Variants in KMT2C observed in about 807,000 individuals in gnomAD.
KMT2C encodes the protein histone-lysine N-methyltransferase 2C.
KMT2C carries 88 observed loss-of-function variants against 507.9 expected under a neutral mutation model. That is an observed-to-expected ratio of 0.17 (90% CI 0.15 to 0.21). The LOEUF (loss-of-function observed/expected upper bound fraction) is 0.21, where lower values mean the gene tolerates loss of function less well. Ranked by LOEUF, KMT2C falls within the 10% of genes least tolerant of loss-of-function variation. The pLI, the probability that KMT2C is intolerant of heterozygous loss-of-function variation, is 1.00. For missense variants in KMT2C, 4,954 were observed against 5,957.8 expected, an observed-to-expected ratio of 0.83 and a Z score of 5.55; for synonymous variants, 2,049 against 2,080.8, an observed-to-expected ratio of 0.98 and a Z score of 0.42.
chr7:152,227,724 C>CA (rs2094976831), intron 18 of KMT2C, among the ~76,000 whole-genome samples: 1 of 152,212 alleles, frequency 6.6e-6, no homozygotes, highest in Admixed American at 6.5e-5. Context: ...CAGAAATCTA[C>CA]AAAGGATCCC....
chr7:152,277,718 G>A (rs566234123), intron 6 of KMT2C, among the ~76,000 whole-genome samples: 4 of 152,114 alleles, frequency 2.6e-5, no homozygotes, highest in African/African-American at 9.6e-5. Flanking sequence ...TACAAAAAAA[G>A]AAGAATCGGG....
In KMT2C at chr7:152,235,914, G is replaced by A. The variant is rs1320275944; in HGVS notation, c.2672C>T (p.Pro891Leu). The stretch of plus-strand genomic sequence containing the variant: ...TGCACCTCGAGGTCTCCGCTTTCCT[G>A]GAAATCCAGACCCACGGCCCTATGT... ...SIKVGRGSGF[P>L]GKRRPRGAGL... The change falls in exon 16 of 59, where the codon CCA (proline) becomes CTA (leucine). Residue 891 changes from proline to leucine, a missense_variant. This residue lies in a region of KMT2C where 62 missense variants were observed against 137.2 expected (regional missense o/e 0.45). Transcript: ENST00000262189. 1 of 1,611,738 alleles carries A rather than the reference G, an allele frequency of 6.2e-7. No homozygotes were observed. The highest frequency in any genetic ancestry group is 1.7e-5 in the Admixed American group (1 of 60,006).
rs1266555016 is a variant in KMT2C at position 152,176,909 on chromosome 7, A to G, written c.8544T>C (p.Asn2848=). The G allele has an allele frequency of 1.2e-6, 2 of 1,614,174 alleles. No individual in the cohort carries two copies. Among genetic ancestry groups the G allele is most frequent in the East Asian group, 2.2e-5 (1 of 44,886 alleles). ...AAGCCTGTGAGCAAGGAGTGTCAAC[A>G]TTATCTTTATTCTCATCATTTTTTT... is the stretch of plus-strand genomic sequence containing the variant. The part of the protein sequence containing the change: ...ETEKNDENKD[N]VDTPCSQASA... The change falls in exon 38 of 59, where the codon AAT becomes AAC. Residue 2848 remains asparagine (N), a synonymous_variant. Coordinates refer to ENST00000262189, the MANE Select transcript of KMT2C (RefSeq NM_170606.3).
At chr7:152,160,932 T>C (rs2092420299) in intron 43 of KMT2C, among the ~76,000 whole-genome samples, 1 of 151,980 alleles carries the variant, frequency 6.6e-6, no homozygotes, top group Non-Finnish European at 1.5e-5. Flanking sequence ...GAGAAAGGTA[T>C]CTGGAAAAAG....
chr7:152,399,051 A>C (rs1344333566), intron 1 of KMT2C, among the ~76,000 whole-genome samples: 1 of 151,120 alleles, frequency 6.6e-6, no homozygotes, highest in Non-Finnish European at 1.5e-5. Flanking sequence ...CTGGTCTCCA[A>C]CTCCTGAGCT....
intron 3 of KMT2C, among the ~76,000 whole-genome samples, chr7:152,324,793 A>AT (rs2096810387): frequency 6.6e-6 from 1 of 151,970 alleles, no homozygotes; most frequent in South Asian, 2.1e-4. Flanking sequence ...GGCTAGTGTA[A>AT]TTTTGTCTCC....
rs2129107306 is a variant in KMT2C at position 152,169,401 on chromosome 7, G to A, written c.9454-152C>T. Reference sequence around the variant, plus strand: ...TAAAGGTTTTTTTATAAAAAGTAGAGTGAATTTAGTGGTGGCAACCTAATT... The same window carrying A: ...TAAAGGTTTTTTTATAAAAAGTAGAATGAATTTAGTGGTGGCAACCTAATT... On this transcript the variant is annotated intron_variant, in intron 40 of 58. Transcript: ENST00000262189. The A allele has an allele frequency of 5.0e-6, 3 of 605,050 alleles. No homozygotes were observed. In the South Asian group the frequency reaches 6.2e-5, roughly 13 times the overall value. The allele number at this position is 605,050 out of a possible 1,614,324, so 37.5% of individuals were successfully genotyped here.
chr7:152,388,170 T>A (rs2097450316), intron 1 of KMT2C, among the ~76,000 whole-genome samples: 1 of 152,240 alleles, frequency 6.6e-6, no homozygotes, highest in African/African-American at 2.4e-5. Flanking sequence ...TAAATATATA[T>A]AATTTCATTA....
chr7:152,252,181 AAC>A lies in KMT2C; in HGVS notation c.1470-93_1470-92del, dbSNP rs2095573180. The stretch of plus-strand genomic sequence containing the variant: ...GCATTGCTGAAAAGCTGGATATGAA[AAC>A]AGTTAATTAAGTATGAGAGGAGAGA... On this transcript the variant is annotated intron_variant, in intron 10 of 58. Transcript: ENST00000262189. 7.7e-6 allele frequency: 7 copies of A among 913,594 alleles called. No individual in the cohort carries two copies. In the Admixed American group the frequency reaches 8.4e-5, roughly 11 times the overall value. The allele number at this position is 913,594 out of a possible 1,614,324, so 56.6% of individuals were successfully genotyped here. A position where few individuals can be genotyped will look rare whatever the true frequency, so the allele number is the denominator to read the frequency against.
intron 6 of KMT2C, among the ~76,000 whole-genome samples, chr7:152,280,943 G>C (rs1418167911): frequency 4.6e-5 from 7 of 151,940 alleles, no homozygotes; most frequent in African/African-American, 2.4e-5. Flanking sequence ...GAAATGAGGA[G>C]GCAGAATCTC....
chr7:152,296,332 G>A (rs1418483144), intron 6 of KMT2C, among the ~76,000 whole-genome samples: 1 of 151,344 alleles, frequency 6.6e-6, no homozygotes, highest in Non-Finnish European at 1.5e-5. Context: ...TACTCCAGAG[G>A]CTGAGGCAAG....
At chr7:152,210,900 A>G (rs1259518396) in intron 23 of KMT2C, among the ~76,000 whole-genome samples, 1 of 152,230 alleles carries the variant, frequency 6.6e-6, no homozygotes, top group Non-Finnish European at 1.5e-5. Flanking sequence ...ATTGGAAAGA[A>G]GCAGAGAAAA....
At chr7:152,258,129 T>C (rs1205027342) in intron 9 of KMT2C, among the ~76,000 whole-genome samples, 1 of 152,176 alleles carries the variant, frequency 6.6e-6, no homozygotes, top group Non-Finnish European at 1.5e-5. Context: ...TATTTAACAA[T>C]GGACTTATTC....
intron 1 of KMT2C, among the ~76,000 whole-genome samples, chr7:152,411,642 C>G (rs1277268028): frequency 2.0e-5 from 3 of 152,084 alleles, no homozygotes; most frequent in South Asian, 2.1e-4. Context: ...ATCAGGGACT[C>G]TGCTACAGCC....
Position 152,152,847 on chromosome 7 carries a change from A to T in KMT2C, c.12384T>A (p.Ser4128Arg), listed in dbSNP as rs1226330926. Reference protein sequence around the residue: ...APDVPSMGLVSSHRINPGLEY... With the variant: ...APDVPSMGLVRSHRINPGLEY... The stretch of plus-strand genomic sequence containing the variant: ...CCAAACCCGGGTTGATTCTGTGGCT[A>T]CTGACCAAACCCATGGATGGGACAT... The change falls in exon 49 of 59, where the codon AGT becomes AGA. Residue 4128 changes from serine to arginine, a missense_variant. Coordinates refer to ENST00000262189, the MANE Select transcript of KMT2C (RefSeq NM_170606.3). 1 of 1,614,196 alleles carries T rather than the reference A, an allele frequency of 6.2e-7. No homozygotes were observed. The highest frequency in any genetic ancestry group is 8.5e-7 in the Non-Finnish European group (1 of 1,180,032).
chr7:152,218,501 T>TA (rs2094650665), intron 23 of KMT2C, among the ~76,000 whole-genome samples: 1 of 152,094 alleles, frequency 6.6e-6, no homozygotes, highest in South Asian at 2.1e-4. Flanking sequence ...AAGCCACAAT[T>TA]ACCTCTCACC....
chr7:152,398,290 C>T (rs561444468), intron 1 of KMT2C, among the ~76,000 whole-genome samples: 1 of 152,190 alleles, frequency 6.6e-6, no homozygotes, highest in East Asian at 1.9e-4. Context: ...AAATTAAGCA[C>T]GTGATTCATA....
intron 6 of KMT2C, among the ~76,000 whole-genome samples, chr7:152,284,606 A>T (rs1217900102): frequency 6.6e-6 from 1 of 152,202 alleles, no homozygotes; most frequent in Non-Finnish European, 1.5e-5. Context: ...TTCAATAAAC[A>T]TTGCTAAATA....
intron 55 of KMT2C, among the ~76,000 whole-genome samples, chr7:152,142,558 C>A (rs528572934): frequency 6.6e-6 from 1 of 152,210 alleles, no homozygotes; most frequent in East Asian, 1.9e-4. Flanking sequence ...AAAGTACACA[C>A]GCTTTTACAC....
Sources: gnomAD v4.1 joint callset for allele counts (sites outside exome capture counted in the v4.1 genomes callset) on GRCh38, gnomAD v4.1.1 for gene constraint, gnomAD v4.1.1 regional missense constraint, MANE v1.5 for transcripts, NCBI Gene and HGNC (gene_info 2026-07-23, HGNC 2026-07-21) for gene names.